Variants in SAMMSON observed in about 807,000 individuals in gnomAD.
The protein encoded by SAMMSON is survival associated mitochondrial melanoma specific oncogenic non-coding RNA.
intron 3 of SAMMSON, among the ~76,000 whole-genome samples, chr3:70,037,729 GATT>G (rs2067091650): frequency 1.3e-5 from 2 of 152,110 alleles, no homozygotes; most frequent in African/African-American, 4.8e-5. Context: ...ATTACTAGTT[GATT>G]ACAGCACTCT....
At chr3:70,355,804 A>C (rs1158683136) in intron 8 of SAMMSON, among the ~76,000 whole-genome samples, 1 of 152,138 alleles carries the variant, frequency 6.6e-6, no homozygotes, top group Non-Finnish European at 1.5e-5. Context: ...TAAACGGCAC[A>C]CTCAGGCACA....
chr3:70,138,364 A>C (rs1177640869), intron 4 of SAMMSON, among the ~76,000 whole-genome samples: 1 of 152,228 alleles, frequency 6.6e-6, no homozygotes, highest in Middle Eastern at 3.2e-3. Context: ...TCCAAGATCA[A>C]GGGACTGGCA....
rs556070709 is a variant in SAMMSON at position 70,039,593 on chromosome 3, T to A, written n.417+25921T>A. On this transcript the variant is annotated intron_variant and non_coding_transcript_variant, in intron 3 of 9. Transcript: ENST00000642114. ...ATCCAATTCCTTAAAACACATCTCT[T>A]CACACACACACACACACACACACAC... is the stretch of plus-strand genomic sequence containing the variant. Among the ~76,000 whole-genome samples the A allele has an allele frequency of 6.7e-3, 916 of 135,704 alleles. 7 individuals are homozygous for A. Among genetic ancestry groups the A allele is most frequent in the African/African-American group, 0.024 (879 of 35,954 alleles). The allele number at this position is 135,704 out of a possible 152,430, so 89.0% of individuals were successfully genotyped here.
chr3:70,411,996 G>A (rs140722675), intron 2 of SAMMSON, among the ~76,000 whole-genome samples: 1 of 152,246 alleles, frequency 6.6e-6, no homozygotes, highest in Non-Finnish European at 1.5e-5. Context: ...TACTTCAACT[G>A]TTTAGAACCA....
intron 7 of SAMMSON, among the ~76,000 whole-genome samples, chr3:70,352,793 A>C (rs148872969): frequency 6.6e-6 from 1 of 152,088 alleles, no homozygotes; most frequent in Non-Finnish European, 1.5e-5. Flanking sequence ...GAGGATAACT[A>C]AGACAATTTT....
chr3:70,263,989 T>C (rs1361257911), intron 6 of SAMMSON, among the ~76,000 whole-genome samples: 1 of 152,224 alleles, frequency 6.6e-6, no homozygotes, highest in Middle Eastern at 3.2e-3. Flanking sequence ...CAGGCTCTCC[T>C]ACTCTGTCAT....
intron 2 of SAMMSON, among the ~76,000 whole-genome samples, chr3:70,399,271 C>T (rs1379155608): frequency 6.6e-6 from 1 of 152,128 alleles, no homozygotes; most frequent in Non-Finnish European, 1.5e-5. Context: ...GTTGTATACT[C>T]CTAAGCAAAT....
chr3:70,201,544 G>A (rs529548167), intron 4 of SAMMSON, among the ~76,000 whole-genome samples: 1 of 152,128 alleles, frequency 6.6e-6, no homozygotes, highest in Non-Finnish European at 1.5e-5. Context: ...ACCCTGAGTT[G>A]AGTACTATTA....
chr3:70,307,841 C>G (rs1702416988), intron 7 of SAMMSON, among the ~76,000 whole-genome samples: 1 of 152,164 alleles, frequency 6.6e-6, no homozygotes, highest in Admixed American at 6.6e-5. Context: ...GGTTTTCTCA[C>G]TTCATTTTGC....
At chr3:70,126,813 T>G (rs1256798720) in intron 4 of SAMMSON, 1 of 161,500 alleles carries the variant, frequency 6.2e-6, no homozygotes, top group Non-Finnish European at 1.3e-5. Context: ...CCTCCTGGGT[T>G]CAAGCGATCC....
At chr3:70,179,506 C>T (rs577739866) in intron 4 of SAMMSON, among the ~76,000 whole-genome samples, 1 of 152,260 alleles carries the variant, frequency 6.6e-6, no homozygotes, top group African/African-American at 2.4e-5. Flanking sequence ...GTCCTGTTGA[C>T]CAGTCCAAGC....
intron 7 of SAMMSON, among the ~76,000 whole-genome samples, chr3:70,316,885 C>T (rs1015865692): frequency 6.6e-6 from 1 of 151,990 alleles, no homozygotes; most frequent in Non-Finnish European, 1.5e-5. Context: ...AAAAAGGGTG[C>T]TTATCTTGAC....
intron 4 of SAMMSON, among the ~76,000 whole-genome samples, chr3:70,231,736 G>C (rs1468539873): frequency 6.6e-6 from 1 of 152,126 alleles, no homozygotes; most frequent in East Asian, 1.9e-4. Context: ...GACAAGGAGA[G>C]AAGAAATGGG....
intron 6 of SAMMSON, among the ~76,000 whole-genome samples, chr3:70,273,824 G>T (rs1701996981): frequency 6.6e-6 from 1 of 152,102 alleles, no homozygotes. Flanking sequence ...TTTTTCCAAG[G>T]CAGAGTCTCA....
At chr3:70,190,885 T>C (rs554553509) in intron 4 of SAMMSON, among the ~76,000 whole-genome samples, 1 of 152,154 alleles carries the variant, frequency 6.6e-6, no homozygotes, top group Non-Finnish European at 1.5e-5. Flanking sequence ...CATTGGCAAT[T>C]ATAGGATCAC....
chr3:70,164,185 T>A (rs1576140340), intron 4 of SAMMSON, among the ~76,000 whole-genome samples: 1 of 152,076 alleles, frequency 6.6e-6, no homozygotes, highest in East Asian at 1.9e-4. Flanking sequence ...GAGATTCTGA[T>A]GCAGGCAGAT....
chr3:70,411,130 C>T (rs1435465761), intron 2 of SAMMSON, among the ~76,000 whole-genome samples: 1 of 152,074 alleles, frequency 6.6e-6, no homozygotes, highest in African/African-American at 2.4e-5. Context: ...CAGGTACAGC[C>T]TGTAAAGGAG....
At chr3:70,268,002 TTCTCCTCCCCTCCTTC>T (rs986387572) in intron 6 of SAMMSON, among the ~76,000 whole-genome samples, 1 of 149,656 alleles carries the variant, frequency 6.7e-6, no homozygotes, top group African/African-American at 2.5e-5. Flanking sequence ...CACCTCCCCT[TTCTCCTCCCCTCCTTC>T]TCTTCCTCTT....
At position 70,243,808 on chromosome 3, in the gene SAMMSON, G is replaced by A. The variant is rs180878021; in HGVS notation, n.508-5299G>A. On this transcript the variant is annotated intron_variant and non_coding_transcript_variant, in intron 4 of 9. Coordinates refer to ENST00000642114, the Ensembl canonical transcript of SAMMSON. The stretch of plus-strand genomic sequence containing the variant: ...TTTCCATAAAAAGCACTGAACTCAA[G>A]CAATGCAATGACAATTCTGAGAGAG... Among the ~76,000 whole-genome samples, 14 of 152,296 alleles carry A rather than the reference G, an allele frequency of 9.2e-5. 1 individual carries two copies. The East Asian group carries it at 2.7e-3, about 29-fold the overall frequency.
Sources: allele counts gnomAD v4.1 joint callset (sites outside exome capture counted in the v4.1 genomes callset), GRCh38; gene constraint gnomAD v4.1.1; transcripts MANE v1.5; gene names NCBI Gene and HGNC (gene_info 2026-07-23, HGNC 2026-07-21).